Variants in PRKD1 observed in about 807,000 individuals in gnomAD.
PRKD1 encodes the protein protein kinase D1.
A neutral mutation model predicts 95.9 loss-of-function variants in PRKD1; 63 were observed. The observed-to-expected ratio is 0.66, with a 90% CI of 0.54 to 0.81. The LOEUF (loss-of-function observed/expected upper bound fraction) is 0.81. Ranked by LOEUF, PRKD1 falls within the 30% of genes least tolerant of loss-of-function variation. The probability of loss-of-function intolerance (pLI) is 0.00; values close to 1 mark genes in which losing one functional copy is unlikely to be tolerated. For missense variants in PRKD1, 1,048 were observed against 1,165.3 expected (o/e 0.90, Z 1.47); for synonymous variants, 425 against 423.1 (o/e 1.00, Z -0.05).
At chr14:29,585,976 T>C (rs1029711156) in intron 16 of PRKD1, among the ~76,000 whole-genome samples, 1 of 152,188 alleles carries the variant, frequency 6.6e-6, no homozygotes, top group Non-Finnish European at 1.5e-5. Flanking sequence ...TACATACATA[T>C]GAAAAATAGT....
chr14:29,759,987 G>A (rs953070611), intron 1 of PRKD1, among the ~76,000 whole-genome samples: 1 of 152,166 alleles, frequency 6.6e-6, no homozygotes, highest in African/African-American at 2.4e-5. Context: ...CCATACCGTT[G>A]ACTATAAACA....
chr14:29,719,824 T>C (rs906479233), intron 2 of PRKD1, among the ~76,000 whole-genome samples: 7 of 152,132 alleles, frequency 4.6e-5, no homozygotes, highest in African/African-American at 1.7e-4. Flanking sequence ...CTCAGACAAT[T>C]TGTTCCATGG....
intron 1 of PRKD1, among the ~76,000 whole-genome samples, chr14:29,787,675 G>A (rs1031242494): frequency 4.6e-5 from 7 of 151,786 alleles, no homozygotes; most frequent in African/African-American, 1.7e-4. Flanking sequence ...TTTCTGTTTG[G>A]GTGAAATATT....
chr14:29,772,602 A>T (rs1196908272), intron 1 of PRKD1, among the ~76,000 whole-genome samples: 1 of 152,166 alleles, frequency 6.6e-6, no homozygotes, highest in Non-Finnish European at 1.5e-5. Flanking sequence ...CTTGATACCT[A>T]CTTAATGTCA....
intron 13 of PRKD1, among the ~76,000 whole-genome samples, chr14:29,610,378 C>T (rs1296014800): frequency 6.6e-6 from 1 of 152,060 alleles, no homozygotes; most frequent in Admixed American, 6.6e-5. Context: ...ACCCCCTTAC[C>T]AAAGAAGCTA....
At chr14:29,796,798 T>A (rs917749134) in intron 1 of PRKD1, among the ~76,000 whole-genome samples, 1 of 152,148 alleles carries the variant, frequency 6.6e-6, no homozygotes, top group Non-Finnish European at 1.5e-5. Flanking sequence ...GATTTAAGTA[T>A]GTTTAGGAGT....
intron 1 of PRKD1, among the ~76,000 whole-genome samples, chr14:29,906,268 G>A (rs1015579336): frequency 5.9e-5 from 9 of 152,286 alleles, no homozygotes; most frequent in African/African-American, 2.2e-4. Context: ...GCTGGGTGTA[G>A]TAGGCCATGC....
At chr14:29,602,551 T>A (rs1032717156) in intron 13 of PRKD1, among the ~76,000 whole-genome samples, 12 of 151,024 alleles carry the variant, frequency 7.9e-5, no homozygotes, top group Admixed American at 2.7e-4. Context: ...TGCCTCAGCC[T>A]CCCGGGTAGC....
chr14:29,600,763 G>C (rs1462896845), intron 13 of PRKD1, among the ~76,000 whole-genome samples: 1 of 152,094 alleles, frequency 6.6e-6, no homozygotes, highest in Non-Finnish European at 1.5e-5. Flanking sequence ...CATTTTGCTT[G>C]ACACATTAAT....
intron 1 of PRKD1, among the ~76,000 whole-genome samples, chr14:29,794,992 A>G (rs1889748601): frequency 6.6e-6 from 1 of 152,048 alleles, no homozygotes; most frequent in Non-Finnish European, 1.5e-5. Flanking sequence ...CCCTGGTTTT[A>G]ATTTACATTT....
intron 13 of PRKD1, among the ~76,000 whole-genome samples, chr14:29,619,981 G>T (rs1879135120): frequency 6.6e-6 from 1 of 151,690 alleles, no homozygotes; most frequent in Non-Finnish European, 1.5e-5. Flanking sequence ...CAGAGACATA[G>T]ATCAATGGAA....
intron 2 of PRKD1, among the ~76,000 whole-genome samples, chr14:29,702,832 C>T (rs1884906539): frequency 1.3e-5 from 2 of 152,060 alleles, no homozygotes; most frequent in South Asian, 4.1e-4. Flanking sequence ...TTAGCAATAT[C>T]CTAAAAGTGC....
At chr14:29,621,091 C>CAAA (rs36196814) in intron 13 of PRKD1, among the ~76,000 whole-genome samples, 150 of 143,430 alleles carry the variant, frequency 1.0e-3, no homozygotes, top group Admixed American at 3.8e-3. Flanking sequence ...ATCGCAAGGA[C>CAAA]AAAAAAAAAC....
intron 4 of PRKD1, among the ~76,000 whole-genome samples, chr14:29,644,281 G>T (rs1297353001): frequency 1.3e-5 from 2 of 152,186 alleles, no homozygotes; most frequent in African/African-American, 4.8e-5. Context: ...GTACTTGTCT[G>T]CCTGCTCCTT....
chr14:29,737,299 G>A (rs901988083), intron 1 of PRKD1, among the ~76,000 whole-genome samples: 8 of 128,430 alleles, frequency 6.2e-5, no homozygotes, highest in Admixed American at 2.6e-4. Context: ...TCCGCAGTCC[G>A]GCCTGGGCGA....
At chr14:29,611,267 A>ACTGTAT (rs1356460438) in intron 13 of PRKD1, among the ~76,000 whole-genome samples, 1 of 152,186 alleles carries the variant, frequency 6.6e-6, no homozygotes, top group Non-Finnish European at 1.5e-5. Flanking sequence ...ATGGGAAATC[A>ACTGTAT]CTGTATCTTC....
At chr14:29,894,453 T>C (rs950135) in intron 1 of PRKD1, among the ~76,000 whole-genome samples, 71,788 of 152,002 alleles carry the variant, frequency 0.47, 18,952 homozygotes, top group African/African-American at 0.72. Context: ...GAGTACAGAG[T>C]AAAGAAAGGC....
chr14:29,829,047 C>T (rs956756618), intron 1 of PRKD1, among the ~76,000 whole-genome samples: 4 of 152,134 alleles, frequency 2.6e-5, no homozygotes, highest in Non-Finnish European at 5.9e-5. Flanking sequence ...GCCCAGGCCA[C>T]GCATTATGAA....
chr14:29,927,416 G>GCCGGGA lies in PRKD1; in HGVS notation c.96_97insTCCCGG (p.Gly32_Pro33insSerArg). ...GGAGCCAAGAACGGCGCGGGCCCGG[G>GCCGGGA]CCCGGACCCTGGGACCAGTGCGGCG... On this transcript the variant is annotated inframe_insertion, in exon 1 of 18. Coordinates refer to ENST00000331968, the MANE Select transcript of PRKD1 (RefSeq NM_002742.3). The GCCGGGA allele has an allele frequency of 6.8e-7, 1 of 1,478,494 alleles. No individual in the cohort carries two copies. Among genetic ancestry groups the GCCGGGA allele is most frequent in the Non-Finnish European group, 9.0e-7 (1 of 1,114,438 alleles). 91.6% of individuals were successfully genotyped at this position (1,478,494 alleles called of 1,614,324 possible).
Sources: gnomAD v4.1 joint callset for allele counts (sites outside exome capture counted in the v4.1 genomes callset) on GRCh38, gnomAD v4.1.1 for gene constraint, MANE v1.5 for transcripts, NCBI Gene and HGNC (gene_info 2026-07-23, HGNC 2026-07-21) for gene names.